The following ATXN3 variants were observed in gnomAD, a reference collection of about 807,000 sequenced individuals.
ATXN3 encodes the protein ataxin-3.
ATXN3 carries 28 observed loss-of-function variants against 58.2 expected under a neutral mutation model. The observed-to-expected ratio is 0.48, with a 90% CI of 0.36 to 0.66. The LOEUF (loss-of-function observed/expected upper bound fraction) is 0.66, where lower values mean the gene tolerates loss of function less well. ATXN3 is among the 30% of genes least tolerant of loss of function. The pLI is 0.00. For synonymous variants in ATXN3, 113 were observed against 138.5 expected (o/e 0.82, Z 1.29); for missense variants, 321 against 422.1 (o/e 0.76, Z 2.10).
At chr14:92,054,020 C>T (rs866894594), downstream of ATXN3, among the ~76,000 whole-genome samples, 5 of 151,984 alleles carry the variant, frequency 3.3e-5, no homozygotes, top group South Asian at 8.3e-4. Flanking sequence ...CTGCAACCTC[C>T]GCCTCCCAGA....
At chr14:92,052,227 G>A (rs1468159186), upstream of ATXN3, among the ~76,000 whole-genome samples, 1 of 152,072 alleles carries the variant, frequency 6.6e-6, no homozygotes, top group African/African-American at 2.4e-5. Context: ...GGGTGCGGTG[G>A]TTCACGCCTG....
chr14:92,086,980 A>G (rs2062736964), intron 6 of ATXN3, among the ~76,000 whole-genome samples: 1 of 152,160 alleles, frequency 6.6e-6, no homozygotes. Flanking sequence ...AGCACAGGTG[A>G]AGATATAAGC....
intron 6 of ATXN3, among the ~76,000 whole-genome samples, chr14:92,088,300 G>A (rs1354931252): frequency 6.6e-6 from 1 of 152,158 alleles, no homozygotes; most frequent in Non-Finnish European, 1.5e-5. Context: ...TCGATCTCCT[G>A]ACATCGTGAT....
chr14:92,099,004 A>G (rs2066071901), intron 1 of ATXN3, among the ~76,000 whole-genome samples: 1 of 152,196 alleles, frequency 6.6e-6, no homozygotes, highest in African/African-American at 2.4e-5. Flanking sequence ...GCAACAGTGT[A>G]GCTTTCCCAT....
At chr14:92,055,097 G>A (rs2057460639), downstream of ATXN3, among the ~76,000 whole-genome samples, 1 of 152,114 alleles carries the variant, frequency 6.6e-6, no homozygotes, top group East Asian at 1.9e-4. The surrounding 1 kb of genome is among the most constrained non-coding windows in gnomAD (Gnocchi z 4.5). Context: ...GGTCAGGCTG[G>A]TCTCAAACTC....
chr14:92,088,786 G>A lies in ATXN3; in HGVS notation c.419C>T (p.Pro140Leu). The change falls in exon 6 of 11, where the codon CCA becomes CTA. Residue 140 changes from proline to leucine, a missense_variant. Pro to Leu is a moderately conservative substitution (Grantham distance 98). Coordinates refer to ENST00000644486, the MANE Select transcript of ATXN3 (RefSeq NM_004993.6). ...AAGATATGTATCTGATATTAATTCT[G>A]GACCCGTCAAGAGAGAATTCAAGTT... ...WFNLNSLLTG[P>L]ELISDTYLAL... 1 of 1,612,192 alleles carries A rather than the reference G, an allele frequency of 6.2e-7. No individual in the cohort carries two copies. Among genetic ancestry groups the A allele is most frequent in the Non-Finnish European group, 8.5e-7 (1 of 1,178,540 alleles).
chr14:92,059,710 T>C lies in ATXN3; in HGVS notation c.*4610A>G, dbSNP rs974392147. 2.6e-5 allele frequency: 4 copies of C among 151,112 alleles called. No homozygotes were observed. Among genetic ancestry groups the C allele is most frequent in the Admixed American group, 6.6e-5 (1 of 15,148 alleles). The allele number at this position is 151,112 out of a possible 1,614,324, so 9.4% of individuals were successfully genotyped here. ...GCAGGTGCCTGTAATCCCAGGTACT[T>C]GGGAGGCTGAGGCAGGAGAATCGCT... is the stretch of plus-strand genomic sequence containing the variant. On this transcript the variant is annotated 3_prime_UTR_variant, in exon 11 of 11. Transcript: ENST00000644486.
chr14:92,069,947 G>A (rs954615382), intron 10 of ATXN3, among the ~76,000 whole-genome samples: 1 of 152,030 alleles, frequency 6.6e-6, no homozygotes, highest in African/African-American at 2.4e-5. Flanking sequence ...TGGTTTTATC[G>A]TGCATTTCCC....
At chr14:92,084,726 C>A (rs139199676) in intron 6 of ATXN3, among the ~76,000 whole-genome samples, 1 of 152,056 alleles carries the variant, frequency 6.6e-6, no homozygotes, top group African/African-American at 2.4e-5. Flanking sequence ...ATTACAGGCA[C>A]CCACCACCAC....
At position 92,093,737 on chromosome 14, in the gene ATXN3, G is replaced by T. The variant is rs746644142; in HGVS notation, c.320+9C>A. On this transcript the variant is annotated intron_variant, in intron 4 of 10. Coordinates refer to ENST00000644486, the MANE Select transcript of ATXN3 (RefSeq NM_004993.6). ...AAAGAAATGTATGAAATGCAAAACA[G>T]AATCTTACATAGGATCGATCCTGAG... 6.4e-7 allele frequency: 1 copy of T among 1,564,856 alleles called. No individual in the cohort carries two copies. Among genetic ancestry groups the T allele is most frequent in the Non-Finnish European group, 8.7e-7 (1 of 1,149,958 alleles).
At chr14:92,081,656 A>G (rs1282354505) in intron 8 of ATXN3, among the ~76,000 whole-genome samples, 1 of 152,136 alleles carries the variant, frequency 6.6e-6, no homozygotes, top group Non-Finnish European at 1.5e-5. Context: ...TGAAATTTCA[A>G]TTTTATTTAG....
chr14:92,098,857 C>T (rs932570111), intron 1 of ATXN3, among the ~76,000 whole-genome samples: 1 of 152,174 alleles, frequency 6.6e-6, no homozygotes, highest in African/African-American at 2.4e-5. Flanking sequence ...TGACAGGATT[C>T]CTCCTCATGG....
At chr14:92,056,739 C>A (rs1036740098), downstream of ATXN3, among the ~76,000 whole-genome samples, 1 of 152,170 alleles carries the variant, frequency 6.6e-6, no homozygotes, top group African/African-American at 2.4e-5. Flanking sequence ...CCCTCTGCAA[C>A]CCTTAGGATT....
chr14:92,047,516 G>A (rs759495292), intron 2 of ATXN3, among the ~76,000 whole-genome samples: 3 of 152,114 alleles, frequency 2.0e-5, no homozygotes, highest in African/African-American at 7.2e-5. Flanking sequence ...GTGTTTGATC[G>A]GTTGCCAGGG....
At chr14:92,087,930 A>G (rs1315991310) in intron 6 of ATXN3, among the ~76,000 whole-genome samples, 1 of 152,260 alleles carries the variant, frequency 6.6e-6, no homozygotes, top group African/African-American at 2.4e-5. Flanking sequence ...TACAGAAATA[A>G]TTAAGAATGA....
At chr14:92,055,228 T>C (rs1354877655), downstream of ATXN3, among the ~76,000 whole-genome samples, 1 of 152,106 alleles carries the variant, frequency 6.6e-6, no homozygotes, top group Non-Finnish European at 1.5e-5. The surrounding 1 kb of genome is among the most constrained non-coding windows in gnomAD (Gnocchi z 4.5). Context: ...TGAATGCATC[T>C]CCTCTCCTGG....
rs709930 is a variant in ATXN3 at position 92,064,169 on chromosome 14, C to A, written c.*151G>T. On this transcript the variant is annotated 3_prime_UTR_variant, in exon 11 of 11. Coordinates refer to ENST00000644486, the MANE Select transcript of ATXN3 (RefSeq NM_004993.6). ...GATCATTATTTAGTCCTACAACCGA[C>A]GCATTGTTCCACTTTCCCATCATTT... is the stretch of plus-strand genomic sequence containing the variant. The A allele has an allele frequency of 3.8e-6, 2 of 526,290 alleles. No individual in the cohort carries two copies. Among genetic ancestry groups the A allele is most frequent in the East Asian group, 3.1e-5 (1 of 31,818 alleles). 32.6% of individuals were successfully genotyped at this position (526,290 alleles called of 1,614,324 possible). A position where few individuals can be genotyped will look rare whatever the true frequency, so the allele number is the denominator to read the frequency against.
At chr14:92,093,723 T>G (rs752316242) in intron 4 of ATXN3, 23 bp downstream of exon 4, 1 of 1,506,268 alleles carries the variant, frequency 6.6e-7, no homozygotes, top group Admixed American at 2.1e-5. Flanking sequence ...AAGAAATGTA[T>G]GAAATGCAAA....
At chr14:92,104,705 C>T (rs2067776859) in intron 1 of ATXN3, among the ~76,000 whole-genome samples, 1 of 151,916 alleles carries the variant, frequency 6.6e-6, no homozygotes, top group Non-Finnish European at 1.5e-5. Flanking sequence ...GCGGGCGGAC[C>T]ACCTGTCAGG....
Sources: gnomAD v4.1 joint callset for allele counts (sites outside exome capture counted in the v4.1 genomes callset) on GRCh38, gnomAD v4.1.1 for gene constraint, Gnocchi (gnomAD v3.1) non-coding constraint, MANE v1.5 for transcripts, NCBI Gene and HGNC (gene_info 2026-07-23, HGNC 2026-07-21) for gene names.